Variants in CDH13 observed in about 807,000 individuals in gnomAD.
CDH13 encodes cadherin-13.
A neutral mutation model predicts 63.8 loss-of-function variants in CDH13; 24 were observed. The observed-to-expected ratio is 0.38, with a 90% CI of 0.27 to 0.53. The LOEUF is 0.53. Ranked by LOEUF, CDH13 falls within the 20% of genes least tolerant of loss-of-function variation. The pLI is 0.85. For synonymous variants in CDH13, 503 were observed against 355.3 expected, an observed-to-expected ratio of 1.42 and a Z score of -4.67; for missense variants, 1,049 against 903.1, an observed-to-expected ratio of 1.16 and a Z score of -2.07.
rs570335064 is a variant in CDH13 at position 83,043,720 on chromosome 16, A to G, written c.366+11502A>G. 2.6e-5 allele frequency among the ~76,000 whole-genome samples: 4 copies of G among 151,956 alleles called. No homozygotes were observed. In the South Asian group the frequency reaches 6.2e-4, roughly 24 times the overall value. On this transcript the variant is annotated intron_variant, in intron 3 of 13. Transcript: ENST00000567109. ...CTAAAAATACAAAAATTAGCTGGGC[A>G]TGGTGGTGCATGCCTGTAATCCCAG... is the stretch of plus-strand genomic sequence containing the variant.
At position 83,233,633 on chromosome 16, in the gene CDH13, C is replaced by T. The variant is rs1366834633; in HGVS notation, c.636+16136C>T. On this transcript the variant is annotated intron_variant, in intron 5 of 13. Coordinates refer to ENST00000567109, the MANE Select transcript of CDH13 (RefSeq NM_001257.5). The stretch of plus-strand genomic sequence containing the variant: ...TTCTTCAGCTCATGACTGCTTCCTC[C>T]ATCCTCAAAGCCAGCAATGGAAGCA... Among the ~76,000 whole-genome samples the T allele has an allele frequency of 5.3e-5, 8 of 152,188 alleles. No individual in the cohort carries two copies. The East Asian group carries it at 9.7e-4, about 18-fold the overall frequency.
intron 5 of CDH13, among the ~76,000 whole-genome samples, chr16:83,240,457 T>G (rs1249602495): frequency 6.6e-6 from 1 of 152,014 alleles, no homozygotes; most frequent in Non-Finnish European, 1.5e-5. Flanking sequence ...TGGAGGTTAC[T>G]GAAGGAAACC....
chr16:83,701,743 C>CA (rs1906264117), intron 10 of CDH13, among the ~76,000 whole-genome samples: 1 of 152,148 alleles, frequency 6.6e-6, no homozygotes, highest in South Asian at 2.1e-4. Flanking sequence ...CAGCACCCAC[C>CA]AATTGCCCAG....
chr16:82,853,850 C>A (rs2039587109), intron 1 of CDH13, among the ~76,000 whole-genome samples: 1 of 152,074 alleles, frequency 6.6e-6, no homozygotes, highest in African/African-American at 2.4e-5. Context: ...ATGCTCAGAG[C>A]ATATATTCTA....
At chr16:82,775,066 G>C (rs2035434699) in intron 1 of CDH13, among the ~76,000 whole-genome samples, 2 of 152,198 alleles carry the variant, frequency 1.3e-5, no homozygotes, top group Non-Finnish European at 2.9e-5. Context: ...GAGTAGAATA[G>C]GGTATGGTGA....
Position 83,005,780 on chromosome 16 carries a change from A to G in CDH13, c.158-26230A>G, listed in dbSNP as rs181935572. ...TGTTTTGTTTTGATTTGCTCCTTTA[A>G]AAATGTTTATGGTGAGCTCAGTTAT... On this transcript the variant is annotated intron_variant, in intron 2 of 13. Coordinates refer to ENST00000567109, the MANE Select transcript of CDH13 (RefSeq NM_001257.5). Among the ~76,000 whole-genome samples the G allele has an allele frequency of 2.2e-3, 338 of 152,288 alleles. 6 individuals are homozygous for G. Among genetic ancestry groups the G allele is most frequent in the Non-Finnish European group, 1.2e-3 (84 of 68,026 alleles).
chr16:83,480,530 T>C (rs1490728222), intron 6 of CDH13, among the ~76,000 whole-genome samples: 2 of 152,166 alleles, frequency 1.3e-5, no homozygotes, highest in Non-Finnish European at 2.9e-5. Context: ...TTTAGATTGG[T>C]GTGTTTGGGG....
At chr16:83,160,472 A>C (rs2037400565) in intron 4 of CDH13, among the ~76,000 whole-genome samples, 1 of 152,222 alleles carries the variant, frequency 6.6e-6, no homozygotes, top group African/African-American at 2.4e-5. Context: ...TGGCTTTATC[A>C]GAATGGCAAT....
intron 1 of CDH13, among the ~76,000 whole-genome samples, chr16:82,707,464 A>T (rs1286184425): frequency 6.6e-6 from 1 of 152,146 alleles, no homozygotes; most frequent in Non-Finnish European, 1.5e-5. Flanking sequence ...GCACGGAGAG[A>T]TGATAGGGTG....
chr16:82,879,411 A>C (rs1597881432), intron 2 of CDH13, among the ~76,000 whole-genome samples: 1 of 150,138 alleles, frequency 6.7e-6, no homozygotes, highest in East Asian at 1.9e-4. Flanking sequence ...TTGTGAGCAA[A>C]TGATACATAC....
At chr16:82,737,501 T>A (rs564438322) in intron 1 of CDH13, among the ~76,000 whole-genome samples, 1 of 152,350 alleles carries the variant, frequency 6.6e-6, no homozygotes, top group South Asian at 2.1e-4. Context: ...AGGGGTGGTC[T>A]GATGACTTGT....
chr16:83,039,738 T>G (rs1386745776), intron 3 of CDH13, among the ~76,000 whole-genome samples: 1 of 152,116 alleles, frequency 6.6e-6, no homozygotes, highest in East Asian at 1.9e-4. Context: ...TCTCACACCC[T>G]ACATTGAACT....
At chr16:83,070,557 A>G (rs1047764609) in intron 3 of CDH13, among the ~76,000 whole-genome samples, 1 of 152,202 alleles carries the variant, frequency 6.6e-6, no homozygotes, top group African/African-American at 2.4e-5. Flanking sequence ...TCTTGGTGAT[A>G]AAAGTTATTT....
intron 5 of CDH13, among the ~76,000 whole-genome samples, chr16:83,290,464 G>C (rs1422629367): frequency 3.3e-5 from 5 of 152,202 alleles, no homozygotes; most frequent in Non-Finnish European, 5.9e-5. Flanking sequence ...GAGTTCTTCT[G>C]CACACGCCTT....
At chr16:83,711,614 C>T (rs1247689580) in intron 10 of CDH13, among the ~76,000 whole-genome samples, 1 of 152,208 alleles carries the variant, frequency 6.6e-6, no homozygotes, top group Admixed American at 6.5e-5. Context: ...CTTCCAGGCT[C>T]AAGCGATTCT....
intron 3 of CDH13, among the ~76,000 whole-genome samples, chr16:83,089,436 A>C (rs1321430337): frequency 6.6e-6 from 1 of 152,254 alleles, no homozygotes; most frequent in African/African-American, 2.4e-5. Context: ...TGCTGCCATC[A>C]GAGAACTTGT....
intron 11 of CDH13, among the ~76,000 whole-genome samples, chr16:83,753,376 C>A (rs141382224): frequency 1.9e-3 from 285 of 152,034 alleles, no homozygotes; most frequent in African/African-American, 6.6e-3. Flanking sequence ...AAACTCCATC[C>A]CGAAAAAGAA....
intron 4 of CDH13, among the ~76,000 whole-genome samples, chr16:83,171,285 G>A (rs913051023): frequency 1.3e-5 from 2 of 152,184 alleles, no homozygotes; most frequent in African/African-American, 4.8e-5. Context: ...TAAAGGACCA[G>A]ATCTTGTGAG....
At chr16:83,191,528 C>CATATATATAT (rs1479803621) in intron 4 of CDH13, among the ~76,000 whole-genome samples, 44 of 70,074 alleles carry the variant, frequency 6.3e-4, no homozygotes, top group East Asian at 3.3e-3. Context: ...CACACACACA[C>CATATATATAT]ACATATATAT....
Sources: gnomAD v4.1 joint callset for allele counts (sites outside exome capture counted in the v4.1 genomes callset) on GRCh38, gnomAD v4.1.1 for gene constraint, MANE v1.5 for transcripts, NCBI Gene and HGNC (gene_info 2026-07-23, HGNC 2026-07-21) for gene names.